ITGA2: variants seen among roughly 807,000 people sequenced by gnomAD.
The protein encoded by ITGA2 is integrin subunit alpha 2.
A neutral mutation model predicts 146.3 loss-of-function variants in ITGA2; 101 were observed. The ratio of observed to expected loss-of-function variants is 0.69; its 90% CI spans 0.59 to 0.81. ITGA2 has a LOEUF of 0.81. ITGA2 is among the 40% of genes least tolerant of loss of function. The pLI, the probability that ITGA2 is intolerant of heterozygous loss-of-function variation, is 0.00. For missense variants in ITGA2, 1,281 were observed against 1,402.7 expected (o/e 0.91, Z 1.39); for synonymous variants, 477 against 487.1 (o/e 0.98, Z 0.27).
chr5:53,062,301 C>T (rs1046002839), intron 12 of ITGA2, among the ~76,000 whole-genome samples: 2 of 152,006 alleles, frequency 1.3e-5, no homozygotes, highest in Non-Finnish European at 2.9e-5. Context: ...TCTCTGATCA[C>T]TCAGCCTTTG....
chr5:53,051,343 T>C, intron 6 of ITGA2, 68 bp from the exon 7 acceptor site: 1 of 1,530,876 alleles, frequency 6.5e-7, no homozygotes, highest in Middle Eastern at 1.7e-4. Context: ...GATTTTTATT[T>C]TATTGGTTAA....
chr5:53,050,074 A>G (rs1380829592), intron 6 of ITGA2, among the ~76,000 whole-genome samples: 1 of 152,196 alleles, frequency 6.6e-6, no homozygotes, highest in East Asian at 1.9e-4. Flanking sequence ...GGTTTCCAGA[A>G]AGCACCACTC....
chr5:53,015,272 TC>T (rs1397005970), intron 1 of ITGA2, among the ~76,000 whole-genome samples: 1 of 152,196 alleles, frequency 6.6e-6, no homozygotes, highest in Non-Finnish European at 1.5e-5. Context: ...TTTTGCTGTG[TC>T]CCAGAGATTC....
intron 2 of ITGA2, among the ~76,000 whole-genome samples, chr5:53,032,912 C>A (rs1320714070): frequency 6.6e-6 from 1 of 152,130 alleles, no homozygotes; most frequent in Non-Finnish European, 1.5e-5. Context: ...TTCTCTGGAG[C>A]AGAAAGTATG....
In ITGA2 at chr5:52,989,482, G is replaced by A; in HGVS notation, c.14G>A (p.Arg5Gln). Residue 5 changes from arginine to glutamine, a missense_variant, in exon 1 of 30, where the codon CGG becomes CAG. By Grantham distance (43) the Arg-to-Gln change is conservative (BLOSUM62 1). Transcript: ENST00000296585. MGPERTGAAPLPLLL... is the reference protein window; with the variant it reads MGPEQTGAAPLPLLL... ...GTCAGACCCAGGATGGGGCCAGAAC[G>A]GACAGGGGCCGCGCCGCTGCCGCTG... The A allele has an allele frequency of 1.9e-6, 3 of 1,614,180 alleles. No individual in the cohort carries two copies. The highest frequency in any genetic ancestry group is 2.5e-6 in the Non-Finnish European group (3 of 1,180,014).
Position 53,060,913 on chromosome 5 carries a change from C to T in ITGA2, c.1325C>T (p.Ala442Val), listed in dbSNP as rs1744874817. The T allele has an allele frequency of 1.9e-6, 3 of 1,612,314 alleles. No individual in the cohort carries two copies. The highest frequency in any genetic ancestry group is 2.2e-5 in the South Asian group (2 of 91,054). The change falls in exon 12 of 30, where the codon GCT (alanine) becomes GTT (valine). Residue 442 changes from alanine (A) to valine (V), a missense_variant. Physicochemically the swap from Ala to Val is moderately conservative, Grantham distance 64. Transcript: ENST00000296585. ...NHSSYLGYSV[A>V]AISTGESTHF... ...CCTTCCCTTTTAGGTTACTCTGTGG[C>T]TGCAATTTCTACTGGAGAAAGCACT...
chr5:53,075,400 C>A, intron 23 of ITGA2, 96 bp downstream of exon 23: 1 of 900,570 alleles, frequency 1.1e-6, no homozygotes, highest in East Asian at 2.5e-5. Flanking sequence ...TATGCTCATT[C>A]TTAACTGAAG....
At chr5:52,996,123 T>C (rs1741235049) in intron 1 of ITGA2, among the ~76,000 whole-genome samples, 1 of 151,948 alleles carries the variant, frequency 6.6e-6, no homozygotes, top group African/African-American at 2.4e-5. Context: ...TTTGGTATGA[T>C]AGTAAAAGGG....
intron 9 of ITGA2, among the ~76,000 whole-genome samples, chr5:53,056,929 C>T (rs1744667349): frequency 6.6e-6 from 1 of 151,922 alleles, no homozygotes. Context: ...GTATCAGGTA[C>T]AGCCTTAGAG....
At chr5:53,076,324 G>A (rs905741550) in intron 23 of ITGA2, among the ~76,000 whole-genome samples, 2 of 152,012 alleles carry the variant, frequency 1.3e-5, no homozygotes, top group Non-Finnish European at 2.9e-5. Flanking sequence ...CTAAGAGCAT[G>A]GAATCTGTAG....
At chr5:52,991,012 G>C (rs1000557923) in intron 1 of ITGA2, among the ~76,000 whole-genome samples, 22 of 152,256 alleles carry the variant, frequency 1.4e-4, no homozygotes, top group African/African-American at 5.1e-4. Context: ...TCTTTGAAAT[G>C]TTGAGGCTTG....
chr5:53,030,207 G>A (rs933945894), intron 2 of ITGA2, among the ~76,000 whole-genome samples: 2 of 152,214 alleles, frequency 1.3e-5, no homozygotes, highest in African/African-American at 4.8e-5. Flanking sequence ...TTACCTCTAA[G>A]TATCCAAGAC....
chr5:53,002,360 TTAAA>T (rs1358010935), intron 1 of ITGA2, among the ~76,000 whole-genome samples: 10 of 152,094 alleles, frequency 6.6e-5, no homozygotes, highest in African/African-American at 2.2e-4. Flanking sequence ...AGTTGAATAT[TTAAA>T]TATCTTTAGA....
At chr5:53,084,302 T>C (rs888744968) in intron 27 of ITGA2, among the ~76,000 whole-genome samples, 2 of 151,948 alleles carry the variant, frequency 1.3e-5, no homozygotes, top group African/African-American at 4.8e-5. Context: ...ATTTTTTTTT[T>C]CTTTTTAACA....
At chr5:53,076,833 T>C (rs1395590176) in intron 23 of ITGA2, among the ~76,000 whole-genome samples, 1 of 151,986 alleles carries the variant, frequency 6.6e-6, no homozygotes, top group East Asian at 1.9e-4. Flanking sequence ...TCAAAAAAAT[T>C]AACGTAGGGA....
intron 5 of ITGA2, 76 bp downstream of exon 5, chr5:53,048,553 C>A: frequency 6.2e-7 from 1 of 1,607,726 alleles, no homozygotes; most frequent in Non-Finnish European, 8.5e-7. Context: ...CAACTAGTGG[C>A]ACCCAAACCC....
chr5:53,087,624 TAAAA>T (rs772266428), intron 28 of ITGA2, among the ~76,000 whole-genome samples: 3 of 118,120 alleles, frequency 2.5e-5, no homozygotes, highest in Admixed American at 1.7e-4. Context: ...GTCCCCTTGA[TAAAA>T]AAAAAAAAAA....
chr5:53,066,065 C>G lies in ITGA2; in HGVS notation c.1943+88C>G, dbSNP rs1745136598. 5.0e-6 allele frequency: 6 copies of G among 1,202,754 alleles called. No homozygotes were observed. The African/African-American group carries it at 9.0e-5, about 18-fold the overall frequency. 74.5% of individuals were successfully genotyped at this position (1,202,754 alleles called of 1,614,324 possible). On this transcript the variant is annotated intron_variant, in intron 15 of 29. Transcript: ENST00000296585. ...TGTCTGTACTGGTATTATAGAAATG[C>G]CACATGCATTCTATAAGACTATAGG...
chr5:53,076,907 GA>G (rs1745686781), intron 23 of ITGA2, among the ~76,000 whole-genome samples: 1 of 152,022 alleles, frequency 6.6e-6, no homozygotes, highest in Admixed American at 6.6e-5. Context: ...AAACATTGGA[GA>G]AAGGTAGACA....
Sources: gnomAD v4.1 joint callset for allele counts (sites outside exome capture counted in the v4.1 genomes callset) on GRCh38, gnomAD v4.1.1 for gene constraint, MANE v1.5 for transcripts, NCBI Gene and HGNC (gene_info 2026-07-23, HGNC 2026-07-21) for gene names.